Variants in GALNT13 observed in about 807,000 individuals in gnomAD.
GALNT13 encodes the protein UDP-GalNAc:polypeptide N-acetylgalactosaminyltransferase 13.
GALNT13 carries 28 observed loss-of-function variants against 64.2 expected under a neutral mutation model. That is an observed-to-expected ratio of 0.44 (90% CI 0.32 to 0.60). The LOEUF (loss-of-function observed/expected upper bound fraction) is 0.60, where lower values mean the gene tolerates loss of function less well. GALNT13 is among the 20% of genes least tolerant of loss of function. The pLI, the probability that GALNT13 is intolerant of heterozygous loss-of-function variation, is 0.05. For synonymous variants in GALNT13, 214 were observed against 224.6 expected (o/e 0.95, Z 0.42); for missense variants, 577 against 669.8 (o/e 0.86, Z 1.53).
the GALNT13 span, among the ~76,000 whole-genome samples, chr2:153,804,370 T>G: frequency 6.6e-6 from 1 of 152,034 alleles, no homozygotes; most frequent in African/African-American, 2.4e-5. Flanking sequence ...AGAGATGGAG[T>G]CTCACTAGGC....
At chr2:153,959,797 C>G (rs1692813848) in intron 3 of GALNT13, among the ~76,000 whole-genome samples, 1 of 152,210 alleles carries the variant, frequency 6.6e-6, no homozygotes, top group Middle Eastern at 3.4e-3. Flanking sequence ...GAGAGGCGGG[C>G]CCCACACAAA....
At chr2:154,112,648 A>G (rs1558964733) in intron 3 of GALNT13, among the ~76,000 whole-genome samples, 2 of 152,344 alleles carry the variant, frequency 1.3e-5, no homozygotes, top group Admixed American at 6.5e-5. Flanking sequence ...TGCTAAGTGC[A>G]TAATCAGGTG....
chr2:154,344,637 C>T (rs761700602), intron 9 of GALNT13, among the ~76,000 whole-genome samples: 1 of 151,840 alleles, frequency 6.6e-6, no homozygotes, highest in Non-Finnish European at 1.5e-5. Context: ...TGTGGAGAAA[C>T]AAGACCTAGG....
the GALNT13 span, among the ~76,000 whole-genome samples, chr2:153,450,749 T>G: frequency 6.6e-6 from 1 of 152,164 alleles, no homozygotes; most frequent in East Asian, 1.9e-4. Flanking sequence ...ATCAGGCCAT[T>G]AAAATGTCCC....
chr2:153,171,356 G>A, the GALNT13 span, among the ~76,000 whole-genome samples: 6 of 152,094 alleles, frequency 3.9e-5, no homozygotes, highest in Non-Finnish European at 8.8e-5. Flanking sequence ...GTTTTAAAAA[G>A]CATGTGACAT....
At chr2:153,242,522 A>G in the GALNT13 span, among the ~76,000 whole-genome samples, 1 of 152,240 alleles carries the variant, frequency 6.6e-6, no homozygotes, top group Non-Finnish European at 1.5e-5. Flanking sequence ...CTTTGATAGA[A>G]TTCAAAAGGC....
At chr2:154,021,376 T>C (rs1044374659) in intron 3 of GALNT13, among the ~76,000 whole-genome samples, 1 of 152,176 alleles carries the variant, frequency 6.6e-6, no homozygotes, top group Non-Finnish European at 1.5e-5. Context: ...TTGTATTTCC[T>C]TGAGCAGTGG....
chr2:154,176,240 A>ATTATTTATTTAT lies in GALNT13; in HGVS notation c.311+35776_311+35787dup, dbSNP rs3075864. On this transcript the variant is annotated intron_variant, in intron 4 of 12. Transcript: ENST00000392825. Reference sequence around the variant, plus strand: ...GTTTAAGGTCTAGTAGAACATATATATTATTTATTTATTTATTTATTTATT... The same window carrying ATTATTTATTTAT: ...GTTTAAGGTCTAGTAGAACATATATATTATTTATTTATTTATTTATTTATTTATTTATTTATT... 9.7e-3 allele frequency among the ~76,000 whole-genome samples: 1,289 copies of ATTATTTATTTAT among 132,748 alleles called. 23 individuals are homozygous for ATTATTTATTTAT. The highest frequency in any genetic ancestry group is 0.015 in the Middle Eastern group (4 of 272). 87.1% of individuals were successfully genotyped at this position (132,748 alleles called of 152,430 possible).
chr2:153,302,825 G>T, the GALNT13 span, among the ~76,000 whole-genome samples: 1 of 151,986 alleles, frequency 6.6e-6, no homozygotes, highest in African/African-American at 2.4e-5. Flanking sequence ...TGTGTTCTTG[G>T]TTCCTTTGTA....
chr2:154,409,474 T>C lies in GALNT13; in HGVS notation c.1395+392T>C, dbSNP rs1395279092. 4 of 223,268 alleles carry C rather than the reference T, an allele frequency of 1.8e-5. No homozygotes were observed. In the Admixed American group the frequency reaches 2.2e-4, roughly 12 times the overall value. The allele number at this position is 223,268 out of a possible 1,614,324, so 13.8% of individuals were successfully genotyped here. ...TCTTTTCAGATTTTTATGTATGTTA[T>C]GATTTTTAAGAGCTTTTGAAGTTTA... On this transcript the variant is annotated intron_variant, in intron 11 of 12. Transcript: ENST00000392825.
At chr2:153,320,975 T>C in the GALNT13 span, among the ~76,000 whole-genome samples, 1 of 152,198 alleles carries the variant, frequency 6.6e-6, no homozygotes, top group Non-Finnish European at 1.5e-5. Flanking sequence ...GGCTCTGTTT[T>C]AGCTGCTACT....
chr2:153,630,169 A>C, the GALNT13 span, among the ~76,000 whole-genome samples: 2 of 151,880 alleles, frequency 1.3e-5, no homozygotes, highest in African/African-American at 4.8e-5. Flanking sequence ...AAGGATTATA[A>C]GTCATGCTGC....
At chr2:153,850,767 G>A in the GALNT13 span, among the ~76,000 whole-genome samples, 2 of 152,160 alleles carry the variant, frequency 1.3e-5, no homozygotes, top group Non-Finnish European at 2.9e-5. Flanking sequence ...GAAAGGCACT[G>A]GATGAGATTA....
At chr2:154,059,265 A>C (rs1012585794) in intron 3 of GALNT13, among the ~76,000 whole-genome samples, 9 of 152,334 alleles carry the variant, frequency 5.9e-5, no homozygotes, top group East Asian at 1.9e-4. Flanking sequence ...ATTTTGAGAA[A>C]AATGAAAGGA....
intron 6 of GALNT13, among the ~76,000 whole-genome samples, chr2:154,244,469 T>G (rs1689669117): frequency 6.6e-6 from 1 of 152,174 alleles, no homozygotes; most frequent in South Asian, 2.1e-4. Flanking sequence ...AGACTTCAAT[T>G]GAAAATGAGT....
chr2:154,159,967 A>T (rs934252208), intron 4 of GALNT13, among the ~76,000 whole-genome samples: 9 of 152,188 alleles, frequency 5.9e-5, no homozygotes, highest in African/African-American at 2.2e-4. Context: ...TTAGAAAGTA[A>T]ATTGCATTAT....
At chr2:154,007,735 A>G (rs1350581793) in intron 3 of GALNT13, among the ~76,000 whole-genome samples, 1 of 151,940 alleles carries the variant, frequency 6.6e-6, no homozygotes, top group Non-Finnish European at 1.5e-5. Flanking sequence ...ATGCACTTCT[A>G]TACTTTAGAT....
chr2:153,720,427 G>T, the GALNT13 span, among the ~76,000 whole-genome samples: 35 of 152,008 alleles, frequency 2.3e-4, no homozygotes, highest in African/African-American at 8.2e-4. Context: ...AAGGAACGCA[G>T]TTCCTCACCA....
the GALNT13 span, among the ~76,000 whole-genome samples, chr2:153,591,621 A>C: frequency 3.2e-4 from 49 of 151,932 alleles, no homozygotes; most frequent in African/African-American, 1.2e-3. Flanking sequence ...GAACAAAATA[A>C]ATTGTCATGG....
Sources: gnomAD v4.1 joint callset for allele counts (sites outside exome capture counted in the v4.1 genomes callset) on GRCh38, gnomAD v4.1.1 for gene constraint, MANE v1.5 for transcripts, NCBI Gene and HGNC (gene_info 2026-07-23, HGNC 2026-07-21) for gene names.